MACROD2: variants seen among roughly 807,000 people sequenced by gnomAD.
The protein encoded by MACROD2 is ADP-ribose glycohydrolase MACROD2.
A neutral mutation model predicts 70.4 loss-of-function variants in MACROD2; 36 were observed. That is an observed-to-expected ratio of 0.51 (90% CI 0.39 to 0.68). The LOEUF is 0.68. Among genes scored for constraint, MACROD2 ranks in the 30% least tolerant of loss-of-function variants. The pLI is 0.00. For missense variants in MACROD2, 496 were observed against 538.4 expected, an observed-to-expected ratio of 0.92 and a Z score of 0.78; for synonymous variants, 172 against 178.8, an observed-to-expected ratio of 0.96 and a Z score of 0.30.
chr20:15,472,989 A>G (rs1406888866), intron 7 of MACROD2, among the ~76,000 whole-genome samples: 1 of 152,192 alleles, frequency 6.6e-6, no homozygotes, highest in East Asian at 1.9e-4. Flanking sequence ...CTAAACTCCT[A>G]AAACATCTTT....
intron 12 of MACROD2, among the ~76,000 whole-genome samples, chr20:15,950,596 C>G (rs1289240628): frequency 1.3e-5 from 2 of 152,168 alleles, no homozygotes; most frequent in African/African-American, 4.8e-5. Flanking sequence ...AATGGCACGT[C>G]ATTGTATTTT....
At chr20:14,508,178 A>G (rs890046610) in intron 4 of MACROD2, among the ~76,000 whole-genome samples, 1 of 152,238 alleles carries the variant, frequency 6.6e-6, no homozygotes, top group Non-Finnish European at 1.5e-5. Context: ...GGATCAGTGA[A>G]AACAGGAAGT....
chr20:15,007,374 A>C, intron 5 of MACROD2, among the ~76,000 whole-genome samples: 1 of 150,082 alleles, frequency 6.7e-6, no homozygotes, highest in African/African-American at 2.5e-5. Context: ...AAAAACAAAA[A>C]CAAACAAAAA....
Position 14,961,220 on chromosome 20 carries a change from A to G in MACROD2, c.419-268720A>G, listed in dbSNP as rs554063647. Among the ~76,000 whole-genome samples, 6 of 152,326 alleles carry G rather than the reference A, an allele frequency of 3.9e-5. No individual in the cohort carries two copies. The East Asian group carries it at 1.2e-3, about 29-fold the overall frequency. Reference sequence around the variant, plus strand: ...GATTTTAGATAAAGGTAGCACTATCATATATTCCGATTAGTTATTAATAGA... The same window carrying G: ...GATTTTAGATAAAGGTAGCACTATCGTATATTCCGATTAGTTATTAATAGA... On this transcript the variant is annotated intron_variant, in intron 5 of 17. Transcript: ENST00000684519.
At chr20:14,642,279 T>A (rs1985136595) in intron 4 of MACROD2, among the ~76,000 whole-genome samples, 2 of 152,184 alleles carry the variant, frequency 1.3e-5, no homozygotes, top group Admixed American at 6.6e-5. Context: ...GGCTTTGGCT[T>A]AAATGAATGT....
intron 8 of MACROD2, among the ~76,000 whole-genome samples, chr20:15,659,702 A>C (rs886111889): frequency 6.6e-6 from 1 of 152,148 alleles, no homozygotes; most frequent in Non-Finnish European, 1.5e-5. Flanking sequence ...GAGGCTGGGT[A>C]ATTTATAAAG....
At position 15,937,506 on chromosome 20, in the gene MACROD2, C is replaced by G; in HGVS notation, c.869C>G (p.Pro290Arg). 1.2e-6 allele frequency: 2 copies of G among 1,613,436 alleles called. No homozygotes were observed. The highest frequency in any genetic ancestry group is 1.7e-6 in the Non-Finnish European group (2 of 1,179,552). Residue 290 changes from proline to arginine, a missense_variant, in exon 12 of 18, where the codon CCT (proline) becomes CGT (arginine). Pro to Arg is a moderately radical substitution (Grantham distance 103). Transcript: ENST00000684519. Reference sequence around the variant, plus strand: ...GTCAACACTGTCACTGTGCCCGGCCCTGCTTCAGAAGAGGCAGTTGAAGAC... The same window carrying G: ...GTCAACACTGTCACTGTGCCCGGCCGTGCTTCAGAAGAGGCAGTTGAAGAC... ...DGVNTVTVPG[P>R]ASEEAVEDCK... is the part of the protein sequence containing the mutation.
chr20:15,525,892 A>C (rs757840889), intron 8 of MACROD2, among the ~76,000 whole-genome samples: 3 of 152,206 alleles, frequency 2.0e-5, no homozygotes, highest in Non-Finnish European at 4.4e-5. Flanking sequence ...TCCCTCTTCA[A>C]CATCTACTGG....
At chr20:15,756,676 A>G (rs6034282) in intron 8 of MACROD2, among the ~76,000 whole-genome samples, 11,907 of 152,232 alleles carry the variant, frequency 0.078, 1,590 homozygotes, top group African/African-American at 0.27. Context: ...TCCTTTTTGC[A>G]CACAAAAATG....
chr20:14,340,659 A>C (rs1029852334), intron 3 of MACROD2, among the ~76,000 whole-genome samples: 1 of 152,008 alleles, frequency 6.6e-6, no homozygotes, highest in African/African-American at 2.4e-5. Flanking sequence ...GTTCTAGTAG[A>C]TATTTTGGGT....
chr20:14,271,955 A>C (rs1437714538), intron 3 of MACROD2, among the ~76,000 whole-genome samples: 1 of 152,136 alleles, frequency 6.6e-6, no homozygotes. Flanking sequence ...AAAAGAATAA[A>C]AAGAAACGAA....
At chr20:14,274,103 C>A (rs2082226406) in intron 3 of MACROD2, among the ~76,000 whole-genome samples, 1 of 152,166 alleles carries the variant, frequency 6.6e-6, no homozygotes, top group African/African-American at 2.4e-5. Flanking sequence ...TGAAACTATT[C>A]CAATCAATAG....
intron 5 of MACROD2, among the ~76,000 whole-genome samples, chr20:14,919,556 T>C (rs560765930): frequency 1.3e-5 from 2 of 152,334 alleles, no homozygotes; most frequent in South Asian, 4.1e-4. Flanking sequence ...AACAGGGCCG[T>C]GTTCTCTTTG....
chr20:15,180,770 C>T (rs570300452), intron 5 of MACROD2, among the ~76,000 whole-genome samples: 2 of 152,288 alleles, frequency 1.3e-5, no homozygotes, highest in South Asian at 2.1e-4. Context: ...GGATTACAGG[C>T]GTGAGCCACT....
chr20:15,695,499 C>T (rs1222770809), intron 8 of MACROD2, among the ~76,000 whole-genome samples: 3 of 151,388 alleles, frequency 2.0e-5, no homozygotes. Flanking sequence ...ACTCCTCCAT[C>T]TCCTGGGTTC....
chr20:14,265,776 C>CTTT (rs11478087), intron 3 of MACROD2, among the ~76,000 whole-genome samples: 12 of 114,990 alleles, frequency 1.0e-4, no homozygotes, highest in African/African-American at 2.3e-4. Flanking sequence ...CCGCCTTGTC[C>CTTT]TTTTTTTTTT....
chr20:15,740,445 A>G (rs2051087343), intron 8 of MACROD2, among the ~76,000 whole-genome samples: 2 of 152,166 alleles, frequency 1.3e-5, no homozygotes, highest in South Asian at 4.1e-4. Context: ...GACGCTGGGG[A>G]TGGGAAAGTT....
At chr20:14,210,795 C>T (rs2081564666) in intron 3 of MACROD2, among the ~76,000 whole-genome samples, 3 of 152,056 alleles carry the variant, frequency 2.0e-5, no homozygotes, top group Admixed American at 1.3e-4. Flanking sequence ...GTAACTCAGT[C>T]AAAAGAAAAG....
intron 4 of MACROD2, among the ~76,000 whole-genome samples, chr20:14,549,076 A>G (rs1210557554): frequency 6.6e-6 from 1 of 152,216 alleles, no homozygotes; most frequent in Non-Finnish European, 1.5e-5. Flanking sequence ...TAGAAGTCAT[A>G]CCAACAGCAC....
Sources: allele counts gnomAD v4.1 joint callset (sites outside exome capture counted in the v4.1 genomes callset), GRCh38; gene constraint gnomAD v4.1.1; transcripts MANE v1.5; gene names NCBI Gene and HGNC (gene_info 2026-07-23, HGNC 2026-07-21).